Variants in MCTP2 observed in about 807,000 individuals in gnomAD.
MCTP2 encodes multiple C2 and transmembrane domain-containing protein 2.
A neutral mutation model predicts 111.6 loss-of-function variants in MCTP2; 132 were observed. The ratio of observed to expected loss-of-function variants is 1.18; its 90% CI spans 1.03 to 1.37. The LOEUF is 1.37. Among genes scored for constraint, MCTP2 ranks in the 40% most tolerant of loss-of-function variants. The pLI is 0.00. For missense variants in MCTP2, 1,183 were observed against 1,067.9 expected, an observed-to-expected ratio of 1.11 and a Z score of -1.50; for synonymous variants, 395 against 387.7, an observed-to-expected ratio of 1.02 and a Z score of -0.22.
At chr15:94,249,559 C>T (rs951562676) in intron 1 of MCTP2, among the ~76,000 whole-genome samples, 6 of 151,686 alleles carry the variant, frequency 4.0e-5, no homozygotes, top group Non-Finnish European at 7.4e-5. Flanking sequence ...GATCTCAGCT[C>T]ACTGCAACCT....
chr15:94,406,876 T>G (rs1266966061), intron 17 of MCTP2, among the ~76,000 whole-genome samples: 1 of 149,640 alleles, frequency 6.7e-6, no homozygotes. Context: ...TTTTTTTTTT[T>G]AAGTATTCCA....
intron 17 of MCTP2, among the ~76,000 whole-genome samples, chr15:94,412,589 T>G (rs544418392): frequency 6.6e-6 from 1 of 152,330 alleles, no homozygotes; most frequent in South Asian, 2.1e-4. Flanking sequence ...TTTTGACTTC[T>G]GCTCTAAAAC....
intron 21 of MCTP2, among the ~76,000 whole-genome samples, chr15:94,475,076 A>G (rs1596865614): frequency 3.3e-5 from 5 of 152,294 alleles, no homozygotes; most frequent in African/African-American, 2.4e-5. Context: ...TCTGTTCTCA[A>G]TACGTCTTTG....
intron 1 of MCTP2, among the ~76,000 whole-genome samples, chr15:94,249,527 C>T (rs2072255782): frequency 6.6e-6 from 1 of 151,832 alleles, no homozygotes. Context: ...ACTCTGTCAC[C>T]CAGGCTGGAG....
At chr15:94,329,945 C>G (rs910314666) in intron 4 of MCTP2, among the ~76,000 whole-genome samples, 4 of 152,188 alleles carry the variant, frequency 2.6e-5, no homozygotes, top group African/African-American at 9.7e-5. Context: ...TGCCATTGAC[C>G]TACTTCACCC....
chr15:94,475,036 C>A (rs1009891631), intron 21 of MCTP2, among the ~76,000 whole-genome samples: 14 of 152,148 alleles, frequency 9.2e-5, no homozygotes, highest in African/African-American at 3.4e-4. Context: ...CAGATGCGCA[C>A]ACCATATATA....
At chr15:94,370,032 A>AT (rs1318999029) in intron 11 of MCTP2, 55 bp from the exon 12 acceptor site, 9 of 1,216,044 alleles carry the variant, frequency 7.4e-6, no homozygotes, top group African/African-American at 3.1e-5. Flanking sequence ...ACTTTATGAC[A>AT]TTAAGTAGTA....
chr15:94,244,071 TA>T, intron 1 of MCTP2, among the ~76,000 whole-genome samples: 1 of 146,938 alleles, frequency 6.8e-6, no homozygotes, highest in Non-Finnish European at 1.5e-5. Flanking sequence ...CATATGTGTA[TA>T]TATTTATGCA....
At chr15:94,434,988 C>T (rs775282602) in intron 17 of MCTP2, among the ~76,000 whole-genome samples, 8 of 151,940 alleles carry the variant, frequency 5.3e-5, no homozygotes, top group East Asian at 1.9e-4. Context: ...CTTAGCCTCC[C>T]GAGTAGCTGG....
At chr15:94,346,187 A>G (rs74030805) in intron 8 of MCTP2, among the ~76,000 whole-genome samples, 5,304 of 152,252 alleles carry the variant, frequency 0.035, 309 homozygotes, top group African/African-American at 0.12. Flanking sequence ...TAGTCACTTA[A>G]GAAGAAAGCA....
At position 94,443,981 on chromosome 15, in the gene MCTP2, CAAAAAAAAA is replaced by C. The variant is rs58768404; in HGVS notation, c.2250+1038_2250+1046del. Among the ~76,000 whole-genome samples the C allele has an allele frequency of 4.0e-3, 280 of 69,412 alleles. 1 individual carries two copies. The highest frequency in any genetic ancestry group is 9.2e-3 in the South Asian group (12 of 1,300). 45.5% of individuals were successfully genotyped at this position (69,412 alleles called of 152,430 possible). A position where few individuals can be genotyped will look rare whatever the true frequency, so the allele number is the denominator to read the frequency against. Reference sequence around the variant, plus strand: ...TAAGGTTTATAATGGGATATTTTACCAAAAAAAAAAAAAAAAAAAAAAAAACAGAAGTAT... The same window carrying C: ...TAAGGTTTATAATGGGATATTTTACCAAAAAAAAAAAAAAAACAGAAGTAT... On this transcript the variant is annotated intron_variant, in intron 19 of 22. Transcript: ENST00000357742.
chr15:94,345,106 A>G (rs867738947), intron 7 of MCTP2, 23 bp from the exon 8 acceptor site: 5 of 1,612,246 alleles, frequency 3.1e-6, no homozygotes, highest in East Asian at 4.5e-5. Context: ...CATTTTCACC[A>G]TTCCGCGGAC....
At chr15:94,257,748 A>C (rs946970578) in intron 1 of MCTP2, among the ~76,000 whole-genome samples, 20 of 150,410 alleles carry the variant, frequency 1.3e-4, no homozygotes, top group Non-Finnish European at 2.4e-4. Flanking sequence ...CACCATGCCC[A>C]GCTAATTTTT....
chr15:94,245,257 T>C (rs993158400), intron 1 of MCTP2, among the ~76,000 whole-genome samples: 15 of 143,118 alleles, frequency 1.0e-4, no homozygotes, highest in African/African-American at 2.5e-4. Context: ...CATATGTATA[T>C]ATACATATGT....
chr15:94,417,410 A>AT (rs1339809384), intron 17 of MCTP2, among the ~76,000 whole-genome samples: 4 of 152,112 alleles, frequency 2.6e-5, no homozygotes, highest in African/African-American at 9.7e-5. Context: ...GATGCAACAG[A>AT]TTTTGAATGT....
rs199970423 is a variant in MCTP2, at chr15:94,366,709, TA to T, written c.1302-887del. On this transcript the variant is annotated intron_variant, in intron 10 of 22. Coordinates refer to ENST00000357742, the MANE Select transcript of MCTP2 (RefSeq NM_001385001.1). The stretch of plus-strand genomic sequence containing the variant: ...TAATTATGGAGGGTAAAGGAGAATG[TA>T]AAAAAAAATGACGTCTGGGAATACC... Among the ~76,000 whole-genome samples the T allele has an allele frequency of 2.0e-5, 3 of 151,170 alleles. No homozygotes were observed. In the South Asian group the frequency reaches 6.3e-4, roughly 32 times the overall value.
intron 1 of MCTP2, among the ~76,000 whole-genome samples, chr15:94,267,176 G>A (rs1044995755): frequency 1.3e-5 from 2 of 152,164 alleles, no homozygotes; most frequent in African/African-American, 4.8e-5. Context: ...TCATAATGTA[G>A]GTGGTTTCTG....
chr15:94,258,117 C>A (rs907669999), intron 1 of MCTP2, among the ~76,000 whole-genome samples: 1 of 148,906 alleles, frequency 6.7e-6, no homozygotes, highest in Non-Finnish European at 1.5e-5. Flanking sequence ...CTCAAGTAAC[C>A]TGCCTGTCTC....
chr15:94,478,877 C>T, intron 22 of MCTP2, 89 bp from the exon 23 acceptor site: 1 of 1,076,468 alleles, frequency 9.3e-7, no homozygotes, highest in Non-Finnish European at 1.4e-6. Flanking sequence ...CCTTCCTTTG[C>T]CTTCGGTTGT....
Sources: allele counts gnomAD v4.1 joint callset (sites outside exome capture counted in the v4.1 genomes callset), GRCh38; gene constraint gnomAD v4.1.1; transcripts MANE v1.5; gene names NCBI Gene and HGNC (gene_info 2026-07-23, HGNC 2026-07-21).